Variants in GRAMD1B observed in about 807,000 individuals in gnomAD.
GRAMD1B encodes the protein GRAM domain containing 1B.
Under a neutral mutation model 99.7 loss-of-function variants are expected in GRAMD1B, and 37 were observed. The observed-to-expected ratio is 0.37, with a 90% confidence interval of 0.29 to 0.49. The LOEUF (loss-of-function observed/expected upper bound fraction) is 0.49. GRAMD1B is among the 20% of genes least tolerant of loss of function. The pLI, the probability that GRAMD1B is intolerant of heterozygous loss-of-function variation, is 0.98. For synonymous variants in GRAMD1B, 427 were observed against 387.6 expected, an observed-to-expected ratio of 1.10 and a Z score of -1.19; for missense variants, 888 against 1,009.2, an observed-to-expected ratio of 0.88 and a Z score of 1.63.
chr11:123,499,909 G>A (rs1939685548), intron 2 of GRAMD1B, among the ~76,000 whole-genome samples: 1 of 152,172 alleles, frequency 6.6e-6, no homozygotes, highest in African/African-American at 2.4e-5. Flanking sequence ...ATCCACAAGG[G>A]GAGCAATTTC....
chr11:123,618,941 C>T, intron 18 of GRAMD1B, 141 bp downstream of exon 18: 2 of 706,308 alleles, frequency 2.8e-6, no homozygotes, highest in South Asian at 3.3e-5. Context: ...GAATCTCTCC[C>T]TATAGTTTCA....
chr11:123,560,327 G>T, intron 2 of GRAMD1B: 1 of 1,160,012 alleles, frequency 8.6e-7, no homozygotes, highest in Non-Finnish European at 1.1e-6. Flanking sequence ...GGCAGAGAGA[G>T]AGAGGGACTT....
rs771987985 is a variant in GRAMD1B at position 123,603,378 on chromosome 11, G to A, written c.1051-48G>A. 14 of 1,157,156 alleles carry A rather than the reference G, an allele frequency of 1.2e-5. No individual in the cohort carries two copies. In the African/African-American group the frequency reaches 1.4e-4, roughly 11 times the overall value. 71.7% of individuals were successfully genotyped at this position (1,157,156 alleles called of 1,614,324 possible). A position where few individuals can be genotyped will look rare whatever the true frequency, so the allele number is the denominator to read the frequency against. ...CGGCTCAGTGCCTCTGTGCAGAGTC[G>A]GGGGACCTGAGGGAGCAAGGCTCAG... is the stretch of plus-strand genomic sequence containing the variant. On this transcript the variant is annotated intron_variant, in intron 8 of 19. Transcript: ENST00000635736.
chr11:123,583,731 T>G (rs977405393), intron 3 of GRAMD1B, among the ~76,000 whole-genome samples: 2 of 149,524 alleles, frequency 1.3e-5, no homozygotes, highest in African/African-American at 4.8e-5. Context: ...AGTGATTATG[T>G]GCTTCAACCT....
At chr11:123,513,602 CTT>C (rs1941333646) in intron 2 of GRAMD1B, among the ~76,000 whole-genome samples, 1 of 101,798 alleles carries the variant, frequency 9.8e-6, no homozygotes, top group African/African-American at 4.2e-5. Context: ...TCCTTCCTTC[CTT>C]CCTTCCTTCC....
At chr11:123,614,651 A>G (rs772186886) in intron 16 of GRAMD1B, 94 bp from the exon 17 acceptor site, 1 of 669,650 alleles carries the variant, frequency 1.5e-6, no homozygotes, top group Non-Finnish European at 2.7e-6. Flanking sequence ...TTTTTCCATC[A>G]GTCTCTGATG....
At chr11:123,398,843 T>A (rs1486920752) in intron 1 of GRAMD1B, among the ~76,000 whole-genome samples, 1 of 152,202 alleles carries the variant, frequency 6.6e-6, no homozygotes, top group Admixed American at 6.6e-5. Context: ...TATACATCTG[T>A]GAAATCATCA....
At chr11:123,483,454 T>A (rs1000928008) in intron 2 of GRAMD1B, among the ~76,000 whole-genome samples, 8 of 150,810 alleles carry the variant, frequency 5.3e-5, no homozygotes, top group Admixed American at 5.3e-4. Flanking sequence ...TGGCGTGATC[T>A]CAACTCACTC....
At chr11:123,583,304 G>A (rs1222733037) in intron 3 of GRAMD1B, among the ~76,000 whole-genome samples, 1 of 150,604 alleles carries the variant, frequency 6.6e-6, no homozygotes, top group Non-Finnish European at 1.5e-5. Context: ...GTGTGAATGT[G>A]TGTGTGCACG....
rs1268381232 is a variant in GRAMD1B at position 123,606,596 on chromosome 11, G to A, written c.1324-13G>A. 6.2e-7 allele frequency: 1 copy of A among 1,604,316 alleles called. No individual in the cohort carries two copies. Among genetic ancestry groups the A allele is most frequent in the African/African-American group, 1.3e-5 (1 of 74,938 alleles). Reference sequence around the variant, plus strand: ...GGTTTCCCTGGTGGGTGACTCCTCTGTCTTGGCTCCAGTTTGATGGGCTGC... The same window carrying A: ...GGTTTCCCTGGTGGGTGACTCCTCTATCTTGGCTCCAGTTTGATGGGCTGC... On this transcript the variant is annotated splice_polypyrimidine_tract_variant and intron_variant, in intron 10 of 19. Transcript: ENST00000635736.
In GRAMD1B at chr11:123,548,311, T is replaced by TAC. The variant is rs1249243804; in HGVS notation, c.453-29055_453-29054insCA. Among the ~76,000 whole-genome samples the TAC allele has an allele frequency of 7.1e-5, 6 of 84,328 alleles. No homozygotes were observed. The East Asian group carries it at 1.8e-3, about 25-fold the overall frequency. 55.3% of individuals were successfully genotyped at this position (84,328 alleles called of 152,430 possible). ...GCCAAAATATATATATATATATATA[T>TAC]ATATATATATATATACACACACACA... On this transcript the variant is annotated intron_variant, in intron 2 of 19. Coordinates refer to ENST00000635736, the MANE Select transcript of GRAMD1B (RefSeq NM_001387025.1).
rs1374517558 is a variant in GRAMD1B, at chr11:123,430,446, GC to G, written c.-345del. The G allele has an allele frequency of 3.5e-6, 1 of 285,436 alleles. No homozygotes were observed. The highest frequency in any genetic ancestry group is 6.5e-6 in the Non-Finnish European group (1 of 154,048). The allele number at this position is 285,436 out of a possible 1,614,324, so 17.7% of individuals were successfully genotyped here. A position where few individuals can be genotyped will look rare whatever the true frequency, so the allele number is the denominator to read the frequency against. On this transcript the variant is annotated 5_prime_UTR_variant, in exon 1 of 20. Coordinates refer to ENST00000635736, the MANE Select transcript of GRAMD1B (RefSeq NM_001387025.1). ...TGCCGAGTCCCGCTAAGGCAAAGAC[GC>G]CAGCAAGCGAGGAAGCGCAGCGGAA...
At chr11:123,583,886 G>T (rs1489414949) in intron 3 of GRAMD1B, among the ~76,000 whole-genome samples, 1 of 152,182 alleles carries the variant, frequency 6.6e-6, no homozygotes, top group African/African-American at 2.4e-5. Flanking sequence ...TACCTCGAAA[G>T]TGTCCCACCC....
chr11:123,457,503 T>C (rs1382983813), intron 1 of GRAMD1B, among the ~76,000 whole-genome samples: 1 of 152,196 alleles, frequency 6.6e-6, no homozygotes, highest in Non-Finnish European at 1.5e-5. Flanking sequence ...TAGCTTAGCG[T>C]CATGGGACTT....
In GRAMD1B at chr11:123,561,458, G is replaced by C. The variant is rs1029299957; in HGVS notation, c.453-15909G>C. On this transcript the variant is annotated intron_variant, in intron 2 of 19. Transcript: ENST00000635736. ...AATAAAAGGATTTGTTTATTCTTTG[G>C]CTTAGCCAGCATTTGGCGCAGAGAT... Among the ~76,000 whole-genome samples the C allele has an allele frequency of 6.6e-5, 10 of 152,236 alleles. No homozygotes were observed. In the East Asian group the frequency reaches 1.5e-3, roughly 23 times the overall value.
intron 2 of GRAMD1B, among the ~76,000 whole-genome samples, chr11:123,545,252 A>G (rs959769870): frequency 6.6e-6 from 1 of 152,224 alleles, no homozygotes; most frequent in African/African-American, 2.4e-5. Flanking sequence ...CCCTTTCTCC[A>G]GTGCCTTCCT....
chr11:123,596,391 T>C (rs987020808), intron 7 of GRAMD1B, among the ~76,000 whole-genome samples: 2 of 152,228 alleles, frequency 1.3e-5, no homozygotes, highest in East Asian at 3.8e-4. Context: ...TGAAAACATA[T>C]ATGAAAATTG....
chr11:123,378,803 A>G (rs1946776602), intron 1 of GRAMD1B, among the ~76,000 whole-genome samples: 1 of 152,242 alleles, frequency 6.6e-6, no homozygotes, highest in Admixed American at 6.5e-5. Flanking sequence ...CAGACCAAGC[A>G]AGCAACAGTA....
At chr11:123,571,344 G>A (rs850285) in intron 2 of GRAMD1B, among the ~76,000 whole-genome samples, 7,494 of 152,264 alleles carry the variant, frequency 0.049, 263 homozygotes, top group East Asian at 0.082. Context: ...GTCTGCAGTG[G>A]GCGTGGGGGG....
Sources: gnomAD v4.1 joint callset for allele counts (sites outside exome capture counted in the v4.1 genomes callset) on GRCh38, gnomAD v4.1.1 for gene constraint, MANE v1.5 for transcripts, NCBI Gene and HGNC (gene_info 2026-07-23, HGNC 2026-07-21) for gene names.